ST8SIA1: variants seen among roughly 807,000 people sequenced by gnomAD.
ST8SIA1 encodes alpha-N-acetylneuraminide alpha-2,8-sialyltransferase.
In ST8SIA1, 16 loss-of-function variants were observed where a neutral mutation model predicts 35.9. That is an observed-to-expected ratio of 0.45 (90% CI 0.30 to 0.68). The LOEUF (loss-of-function observed/expected upper bound fraction) is 0.68, where lower values mean the gene tolerates loss of function less well. Among genes scored for constraint, ST8SIA1 ranks in the 30% least tolerant of loss-of-function variants. ST8SIA1 has a pLI of 0.09. For missense variants in ST8SIA1, 383 were observed against 453.6 expected (o/e 0.84, Z 1.41); for synonymous variants, 170 against 169.6 (o/e 1.00, Z -0.02).
At chr12:22,231,078 G>A (rs1865414418) in intron 4 of ST8SIA1, among the ~76,000 whole-genome samples, 1 of 149,580 alleles carries the variant, frequency 6.7e-6, no homozygotes, top group African/African-American at 2.5e-5. Flanking sequence ...GTGAGCATGA[G>A]TATTTAAATA....
intron 2 of ST8SIA1, among the ~76,000 whole-genome samples, chr12:22,286,878 G>A (rs1591844900): frequency 6.6e-6 from 1 of 152,146 alleles, no homozygotes; most frequent in Admixed American, 6.6e-5. Context: ...ACAAGTCCCT[G>A]ATCATTCATT....
intron 1 of ST8SIA1, among the ~76,000 whole-genome samples, chr12:22,315,538 C>T (rs929781317): frequency 8.5e-5 from 13 of 152,090 alleles, no homozygotes; most frequent in African/African-American, 2.4e-4. Context: ...CTCTACCTCC[C>T]GTGCTCCCTC....
chr12:22,201,934 T>C lies in ST8SIA1; in HGVS notation c.689A>G (p.Glu230Gly). The C allele has an allele frequency of 1.2e-6, 2 of 1,614,082 alleles. No individual in the cohort carries two copies. The highest frequency in any genetic ancestry group is 2.2e-5 in the East Asian group (1 of 44,876). Residue 230 changes from glutamate (E) to glycine (G), a missense_variant, in exon 5 of 5, where the codon GAG (glutamate) becomes GGG (glycine). Glu to Gly is a moderately conservative substitution (Grantham distance 98). Coordinates refer to ENST00000396037, the MANE Select transcript of ST8SIA1 (RefSeq NM_003034.4). ...MPAFSMKTGT[E>G]PSLRVYYTLS... ...TGTATAATAAACCCTCAAAGATGGC[T>C]CTGTTCCTGTCTTCATAGAAAAGGC...
intron 4 of ST8SIA1, 123 bp from the exon 5 acceptor site, chr12:22,202,161 A>C (rs1865055383): frequency 1.2e-6 from 1 of 827,114 alleles, no homozygotes; most frequent in Admixed American, 3.1e-5. Context: ...CATGAAAAAC[A>C]CTTTATTTGT....
chr12:22,225,369 T>C (rs536597286), intron 4 of ST8SIA1, among the ~76,000 whole-genome samples: 1 of 152,098 alleles, frequency 6.6e-6, no homozygotes, highest in South Asian at 2.1e-4. Context: ...TGGATCCTAC[T>C]AGTAGCTGGA....
At chr12:22,247,747 A>C (rs551710300) in intron 4 of ST8SIA1, among the ~76,000 whole-genome samples, 1 of 152,270 alleles carries the variant, frequency 6.6e-6, no homozygotes, top group South Asian at 2.1e-4. Context: ...CATCGCATAA[A>C]AAATTTTAAA....
chr12:22,261,333 G>C (rs991691164), intron 2 of ST8SIA1, among the ~76,000 whole-genome samples: 15 of 152,056 alleles, frequency 9.9e-5, no homozygotes, highest in African/African-American at 3.4e-4. Context: ...TTTTAGTAGA[G>C]ACGGGGTTTC....
chr12:22,286,097 C>T (rs3819877), intron 2 of ST8SIA1, among the ~76,000 whole-genome samples: 36,992 of 151,956 alleles, frequency 0.24, 4,641 homozygotes, highest in African/African-American at 0.32. Context: ...CCTTTGACAC[C>T]TGGAAGCCTC....
At chr12:22,236,950 A>C (rs985778215) in intron 4 of ST8SIA1, among the ~76,000 whole-genome samples, 1 of 152,184 alleles carries the variant, frequency 6.6e-6, no homozygotes, top group African/African-American at 2.4e-5. Flanking sequence ...TAAGTACATA[A>C]AATTTGGAGT....
At chr12:22,285,477 C>T (rs1295311323) in intron 2 of ST8SIA1, among the ~76,000 whole-genome samples, 1 of 152,194 alleles carries the variant, frequency 6.6e-6, no homozygotes, top group Non-Finnish European at 1.5e-5. Context: ...TAAACCCTCA[C>T]CAATACAATT....
intron 4 of ST8SIA1, among the ~76,000 whole-genome samples, chr12:22,227,598 C>A (rs191175868): frequency 4.6e-5 from 7 of 151,562 alleles, no homozygotes; most frequent in African/African-American, 9.7e-5. Flanking sequence ...CAAAAACACA[C>A]AAAAAAAATG....
At chr12:22,333,855 A>G in intron 1 of ST8SIA1, 142 bp downstream of exon 1, 1 of 851,758 alleles carries the variant, frequency 1.2e-6, no homozygotes, top group Non-Finnish European at 2.0e-6. Context: ...GGAATGGCAC[A>G]AATGGAGGGA....
intron 1 of ST8SIA1, among the ~76,000 whole-genome samples, chr12:22,321,530 G>T (rs1029605506): frequency 6.6e-6 from 1 of 152,232 alleles, no homozygotes; most frequent in Non-Finnish European, 1.5e-5. Flanking sequence ...TCTAGAGCCT[G>T]AGCAGGCGGA....
chr12:22,214,025 T>C (rs1591825357), intron 4 of ST8SIA1, among the ~76,000 whole-genome samples: 1 of 152,166 alleles, frequency 6.6e-6, no homozygotes, highest in South Asian at 2.1e-4. Context: ...TGTAACACAA[T>C]AGGAGAAAAT....
intron 2 of ST8SIA1, among the ~76,000 whole-genome samples, chr12:22,278,051 A>T (rs548316884): frequency 6.6e-6 from 1 of 152,324 alleles, no homozygotes; most frequent in Non-Finnish European, 1.5e-5. Flanking sequence ...TTGCTCAATA[A>T]GTACTTCATG....
chr12:22,238,294 A>C (rs922771804), intron 4 of ST8SIA1, among the ~76,000 whole-genome samples: 2 of 152,170 alleles, frequency 1.3e-5, no homozygotes, highest in African/African-American at 4.8e-5. Flanking sequence ...AGGCTATTAA[A>C]ACATCACGCA....
rs527707989 is a variant in ST8SIA1 at position 22,281,255 on chromosome 12, C to T, written c.381+5894G>A. ...AACTTTGTTACTCATAATAATGATA[C>T]TGAAATATAAAGACCAGGTATTATT... is the stretch of plus-strand genomic sequence containing the variant. On this transcript the variant is annotated intron_variant, in intron 2 of 4. Coordinates refer to ENST00000396037, the MANE Select transcript of ST8SIA1 (RefSeq NM_003034.4). Among the ~76,000 whole-genome samples, 3 of 152,232 alleles carry T rather than the reference C, an allele frequency of 2.0e-5. No homozygotes were observed. In the South Asian group the frequency reaches 6.2e-4, roughly 32 times the overall value.
At chr12:22,315,978 TTAAAA>T (rs1455453725) in intron 1 of ST8SIA1, among the ~76,000 whole-genome samples, 3 of 151,842 alleles carry the variant, frequency 2.0e-5, no homozygotes, top group Non-Finnish European at 4.4e-5. Flanking sequence ...AGCCCAGAAC[TTAAAA>T]TAAAATTAAA....
At chr12:22,246,166 G>A (rs1482018840) in intron 4 of ST8SIA1, among the ~76,000 whole-genome samples, 1 of 152,164 alleles carries the variant, frequency 6.6e-6, no homozygotes, top group African/African-American at 2.4e-5. Context: ...ACTGGTGGGG[G>A]TGGGGGGTAG....
Sources: gnomAD v4.1 joint callset for allele counts (sites outside exome capture counted in the v4.1 genomes callset) on GRCh38, gnomAD v4.1.1 for gene constraint, MANE v1.5 for transcripts, NCBI Gene and HGNC (gene_info 2026-07-23, HGNC 2026-07-21) for gene names.